The following AASS variants were observed in gnomAD, a reference collection of about 807,000 sequenced individuals.
AASS encodes alpha-aminoadipic semialdehyde synthase, mitochondrial.
A neutral mutation model predicts 105.4 loss-of-function variants in AASS; 86 were observed. The observed-to-expected ratio is 0.82, with a 90% confidence interval of 0.69 to 0.98. The LOEUF is 0.98. Ranked by LOEUF, AASS falls within the 50% of genes least tolerant of loss-of-function variation. The probability of loss-of-function intolerance (pLI) is 0.00; values close to 1 mark genes in which losing one functional copy is unlikely to be tolerated. For synonymous variants in AASS, 381 were observed against 394.8 expected, an observed-to-expected ratio of 0.96 and a Z score of 0.41; for missense variants, 1,048 against 1,143.2, an observed-to-expected ratio of 0.92 and a Z score of 1.20.
At position 122,136,331 on chromosome 7, in the gene AASS, G is replaced by T. The variant is rs1290529581; in HGVS notation, c.-15-2590C>A. The stretch of plus-strand genomic sequence containing the variant: ...ATCAGACAACAGACCAAACAGCGAA[G>T]AGTCCAGCTAAGAAGGCTTTAGGAA... On this transcript the variant is annotated intron_variant, in intron 1 of 23. Transcript: ENST00000417368. Among the ~76,000 whole-genome samples the T allele has an allele frequency of 2.0e-5, 3 of 152,244 alleles. No individual in the cohort carries two copies. In the South Asian group the frequency reaches 6.2e-4, roughly 32 times the overall value.
chr7:122,105,380 C>G (rs1030136652), intron 11 of AASS, among the ~76,000 whole-genome samples: 4 of 151,932 alleles, frequency 2.6e-5, no homozygotes, highest in Non-Finnish European at 5.9e-5. Flanking sequence ...CAAAATGGAC[C>G]TAATAGATAA....
chr7:122,081,666 A>G (rs940140907), intron 19 of AASS, 71 bp from the exon 20 acceptor site: 2 of 1,023,918 alleles, frequency 2.0e-6, no homozygotes, highest in African/African-American at 3.2e-5. Context: ...ATATTTTTGA[A>G]AAGAGGGATA....
Position 122,133,552 on chromosome 7 carries a change from T to A in AASS, c.175A>T (p.Ile59Leu), listed in dbSNP as rs776452268. 1 of 1,614,098 alleles carries A rather than the reference T, an allele frequency of 6.2e-7. No individual in the cohort carries two copies. Among genetic ancestry groups the A allele is most frequent in the Non-Finnish European group, 8.5e-7 (1 of 1,180,040 alleles). Residue 59 changes from isoleucine to leucine, a missense_variant, in exon 2 of 24, where the codon ATA (isoleucine) becomes TTA (leucine). Physicochemically the swap from Ile to Leu is conservative, Grantham distance 5. Coordinates refer to ENST00000417368, the MANE Select transcript of AASS (RefSeq NM_005763.4). ...ATGGCCCGCCGATTCGAAGGCTGTA[T>A]CAAGACCTTGTATCCCAGATTGGTG... ...GITNLGYKVL[I>L]QPSNRRAIHD...
At chr7:122,080,253 T>C (rs780058290) in intron 20 of AASS, among the ~76,000 whole-genome samples, 2 of 152,244 alleles carry the variant, frequency 1.3e-5, no homozygotes, top group Non-Finnish European at 2.9e-5. Context: ...GGAAAAGCTA[T>C]GCTCTAGATC....
At chr7:122,116,456 C>A (rs1459211689) in intron 8 of AASS, among the ~76,000 whole-genome samples, 177 bp downstream of exon 8, 1 of 152,092 alleles carries the variant, frequency 6.6e-6, no homozygotes, top group Non-Finnish European at 1.5e-5. Context: ...AAGCACTAAG[C>A]GAGACTACTC....
chr7:122,114,862 C>G (rs1220138069), intron 9 of AASS, among the ~76,000 whole-genome samples: 4 of 151,572 alleles, frequency 2.6e-5, no homozygotes, highest in Non-Finnish European at 5.9e-5. Context: ...GGAAACATAA[C>G]AAGACCCCAT....
At chr7:122,087,045 G>A (rs1275317819) in intron 18 of AASS, among the ~76,000 whole-genome samples, 1 of 152,152 alleles carries the variant, frequency 6.6e-6, no homozygotes, top group Non-Finnish European at 1.5e-5. Flanking sequence ...TGAGAATTCT[G>A]GTTGTTGCTG....
Position 122,074,814 on chromosome 7 carries a change from A to G in AASS, c.*1675T>C, listed in dbSNP as rs921809701. Among the ~76,000 whole-genome samples the G allele has an allele frequency of 1.3e-5, 2 of 152,106 alleles. No individual in the cohort carries two copies. Among genetic ancestry groups the G allele is most frequent in the African/African-American group, 4.8e-5 (2 of 41,442 alleles). On this transcript the variant is annotated 3_prime_UTR_variant, in exon 24 of 24. Coordinates refer to ENST00000417368, the MANE Select transcript of AASS (RefSeq NM_005763.4). The stretch of plus-strand genomic sequence containing the variant: ...TGTGATCAATATTTCTGGACCCTCA[A>G]TTATATTGGTATTTTACTCTTTCTG...
At chr7:122,109,708 A>T (rs968514211) in intron 11 of AASS, among the ~76,000 whole-genome samples, 1 of 151,884 alleles carries the variant, frequency 6.6e-6, no homozygotes, top group Non-Finnish European at 1.5e-5. Context: ...TAGAAGAAAA[A>T]AAAAACACAG....
rs1347642337 is a variant in AASS at position 122,116,866 on chromosome 7, T to A, written c.766+13A>T. ...TTAAAAACATTAAAAGTTAGTCATC[T>A]CCTGTCCCTTACCTCCAGTTTGGGA... On this transcript the variant is annotated intron_variant, in intron 7 of 23. Coordinates refer to ENST00000417368, the MANE Select transcript of AASS (RefSeq NM_005763.4). 1.9e-6 allele frequency: 3 copies of A among 1,613,426 alleles called. No individual in the cohort carries two copies. In the African/African-American group the frequency reaches 4.0e-5, roughly 22 times the overall value.
chr7:122,101,736 G>T lies in AASS; in HGVS notation c.1279-56C>A, dbSNP rs1794442161. 13 of 1,279,014 alleles carry T rather than the reference G, an allele frequency of 1.0e-5. No individual in the cohort carries two copies. The East Asian group carries it at 3.0e-4, about 30-fold the overall frequency. 79.2% of individuals were successfully genotyped at this position (1,279,014 alleles called of 1,614,324 possible). A position where few individuals can be genotyped will look rare whatever the true frequency, so the allele number is the denominator to read the frequency against. Reference sequence around the variant, plus strand: ...AATGACACTGCAAAGAAGGCCTCTTGGTGTTTGTATCCATATTAAAATATT... The same window carrying T: ...AATGACACTGCAAAGAAGGCCTCTTTGTGTTTGTATCCATATTAAAATATT... On this transcript the variant is annotated intron_variant, in intron 11 of 23. Transcript: ENST00000417368.
At chr7:122,124,695 G>GC (rs1312667189) in intron 4 of AASS, among the ~76,000 whole-genome samples, 1 of 152,128 alleles carries the variant, frequency 6.6e-6, no homozygotes, top group African/African-American at 2.4e-5. Flanking sequence ...TCCTACTTCT[G>GC]AATATGGTGA....
chr7:122,136,220 AAC>A (rs1796132782), intron 1 of AASS, among the ~76,000 whole-genome samples: 1 of 152,198 alleles, frequency 6.6e-6, no homozygotes, highest in Non-Finnish European at 1.5e-5. Flanking sequence ...GGCTTGACCA[AAC>A]AATTAAGCAT....
At chr7:122,122,169 G>C (rs1795468640) in intron 4 of AASS, among the ~76,000 whole-genome samples, 1 of 151,610 alleles carries the variant, frequency 6.6e-6, no homozygotes, top group African/African-American at 2.4e-5. Context: ...TCTATTTTTG[G>C]CTTGGGGTTT....
At chr7:122,108,651 T>G (rs986552726) in intron 11 of AASS, among the ~76,000 whole-genome samples, 2 of 152,118 alleles carry the variant, frequency 1.3e-5, no homozygotes, top group African/African-American at 4.8e-5. Flanking sequence ...TTCATCAAAT[T>G]TGGCATACAG....
chr7:122,138,854 C>G (rs913662618), intron 1 of AASS, among the ~76,000 whole-genome samples: 2 of 152,048 alleles, frequency 1.3e-5, no homozygotes, highest in African/African-American at 4.8e-5. Flanking sequence ...GACACAGAGA[C>G]AGAGCTCGGC....
At chr7:122,142,593 G>A (rs1796454412) in intron 1 of AASS, among the ~76,000 whole-genome samples, 1 of 152,136 alleles carries the variant, frequency 6.6e-6, no homozygotes. Flanking sequence ...AAATAGGGAT[G>A]CATCTTACAA....
chr7:122,143,745 C>A (rs1796507288), intron 1 of AASS, among the ~76,000 whole-genome samples: 1 of 152,094 alleles, frequency 6.6e-6, no homozygotes, highest in South Asian at 2.1e-4. Flanking sequence ...CCTCTAAGCA[C>A]GCCGTCCACA....
At chr7:122,079,558 C>T (rs375264553) in intron 21 of AASS, 39 bp downstream of exon 21, 187 of 1,407,136 alleles carry the variant, frequency 1.3e-4, no homozygotes, top group Admixed American at 5.4e-4. Flanking sequence ...AATCATTGAT[C>T]CAGTATATTT....
Sources: gnomAD v4.1 joint callset for allele counts (sites outside exome capture counted in the v4.1 genomes callset) on GRCh38, gnomAD v4.1.1 for gene constraint, MANE v1.5 for transcripts, NCBI Gene and HGNC (gene_info 2026-07-23, HGNC 2026-07-21) for gene names.